The following CNTN5 variants were observed in gnomAD, a reference collection of about 807,000 sequenced individuals.
The protein encoded by CNTN5 is contactin 5, also known as contactin-5.
In CNTN5, 77 loss-of-function variants were observed where a neutral mutation model predicts 129.1. The observed-to-expected ratio is 0.60, with a 90% CI of 0.50 to 0.72. CNTN5 has a LOEUF of 0.72. Ranked by LOEUF, CNTN5 falls within the 30% of genes least tolerant of loss-of-function variation. CNTN5 has a pLI of 0.00. For missense variants in CNTN5, 1,478 were observed against 1,328.8 expected, an observed-to-expected ratio of 1.11 and a Z score of -1.75; for synonymous variants, 509 against 465.6, an observed-to-expected ratio of 1.09 and a Z score of -1.20.
chr11:99,119,128 A>G (rs979657609), intron 1 of CNTN5, among the ~76,000 whole-genome samples: 3 of 152,116 alleles, frequency 2.0e-5, no homozygotes, highest in African/African-American at 7.2e-5. Context: ...CTCCATTATC[A>G]ATCTCGCTTT....
chr11:100,314,877 C>A (rs918256927), intron 21 of CNTN5, among the ~76,000 whole-genome samples: 6 of 152,104 alleles, frequency 3.9e-5, no homozygotes, highest in African/African-American at 1.4e-4. Context: ...TTTCCCTGAC[C>A]TGGCTTTCTG....
chr11:100,258,868 T>C (rs1276801337), intron 17 of CNTN5, among the ~76,000 whole-genome samples: 2 of 152,158 alleles, frequency 1.3e-5, no homozygotes, highest in East Asian at 3.9e-4. Flanking sequence ...CCATCAACAC[T>C]ATGAAGAAGC....
intron 3 of CNTN5, among the ~76,000 whole-genome samples, chr11:99,655,307 C>T (rs1952312978): frequency 6.6e-6 from 1 of 151,368 alleles, no homozygotes; most frequent in African/African-American, 2.5e-5. Context: ...TGCTACAAGA[C>T]TCTCGGCAAG....
intron 3 of CNTN5, among the ~76,000 whole-genome samples, chr11:99,619,478 C>A (rs1950863185): frequency 6.6e-6 from 1 of 151,924 alleles, no homozygotes; most frequent in African/African-American, 2.4e-5. Flanking sequence ...TTCACATTTC[C>A]ATGGAGCTGT....
intron 2 of CNTN5, among the ~76,000 whole-genome samples, chr11:99,526,167 A>G (rs1198185706): frequency 1.3e-5 from 2 of 152,310 alleles, no homozygotes; most frequent in East Asian, 3.9e-4. Flanking sequence ...CTGACTTGCC[A>G]ATAACTTGAT....
At chr11:99,312,030 T>A (rs1865135660) in intron 1 of CNTN5, among the ~76,000 whole-genome samples, 1 of 152,176 alleles carries the variant, frequency 6.6e-6, no homozygotes, top group Non-Finnish European at 1.5e-5. Flanking sequence ...AGCCAGGAGA[T>A]AAATTTCAAG....
intron 3 of CNTN5, among the ~76,000 whole-genome samples, chr11:99,597,133 A>G (rs1950150662): frequency 6.6e-6 from 1 of 152,176 alleles, no homozygotes; most frequent in Non-Finnish European, 1.5e-5. Flanking sequence ...CTACTGTTGT[A>G]AGAGGATATA....
At chr11:100,218,745 G>A (rs1949196774) in intron 15 of CNTN5, among the ~76,000 whole-genome samples, 1 of 152,078 alleles carries the variant, frequency 6.6e-6, no homozygotes, top group South Asian at 2.1e-4. Context: ...TGGATCACTG[G>A]GGAACTGCTT....
intron 13 of CNTN5, among the ~76,000 whole-genome samples, chr11:100,188,414 G>T (rs1244764649): frequency 6.6e-6 from 1 of 152,082 alleles, no homozygotes; most frequent in Non-Finnish European, 1.5e-5. Flanking sequence ...TCCAGTCTGG[G>T]TGACAGAGTG....
At chr11:99,990,851 T>C (rs931033347) in intron 8 of CNTN5, among the ~76,000 whole-genome samples, 1 of 152,200 alleles carries the variant, frequency 6.6e-6, no homozygotes, top group African/African-American at 2.4e-5. Context: ...TAATCTAACG[T>C]ACTACTAGAT....
intron 23 of CNTN5, among the ~76,000 whole-genome samples, chr11:100,346,683 A>G (rs1259530586): frequency 6.6e-6 from 1 of 152,070 alleles, no homozygotes; most frequent in Non-Finnish European, 1.5e-5. Context: ...CCCCTCACCC[A>G]TATCTACTTT....
chr11:100,219,505 C>T (rs1949217360), intron 15 of CNTN5, among the ~76,000 whole-genome samples: 1 of 152,204 alleles, frequency 6.6e-6, no homozygotes, highest in African/African-American at 2.4e-5. Context: ...TTTTGCATTA[C>T]TCACTTGTGT....
In CNTN5 at chr11:99,715,201, A is replaced by T. The variant is rs561776288; in HGVS notation, c.56-104343A>T. ...CATTAGAGAAGAAGCTGAATAAAAG[A>T]GAGTGAAATAGAATAACTCTTGGAG... On this transcript the variant is annotated intron_variant, in intron 3 of 24. Coordinates refer to ENST00000524871, the MANE Select transcript of CNTN5 (RefSeq NM_014361.4). Among the ~76,000 whole-genome samples, 13 of 152,158 alleles carry T rather than the reference A, an allele frequency of 8.5e-5. 1 individual carries two copies. The highest frequency in any genetic ancestry group is 8.5e-4 in the Admixed American group (13 of 15,238).
At chr11:100,049,141 A>T (rs974889198) in intron 9 of CNTN5, among the ~76,000 whole-genome samples, 12 of 152,168 alleles carry the variant, frequency 7.9e-5, no homozygotes, top group African/African-American at 1.9e-4. Context: ...ATGTTTTTTT[A>T]AAATATATGT....
chr11:99,302,206 A>C (rs1864673935), intron 1 of CNTN5, among the ~76,000 whole-genome samples: 1 of 151,686 alleles, frequency 6.6e-6, no homozygotes, highest in Admixed American at 6.6e-5. Flanking sequence ...CAAAAGGAAA[A>C]AAAGAATAAA....
At chr11:99,266,492 CTT>C (rs1862900121) in intron 1 of CNTN5, among the ~76,000 whole-genome samples, 1 of 151,988 alleles carries the variant, frequency 6.6e-6, no homozygotes, top group East Asian at 1.9e-4. Context: ...TTTCTAGCTA[CTT>C]TGGAGGCTGA....
intron 2 of CNTN5, among the ~76,000 whole-genome samples, chr11:99,424,414 G>A (rs986093065): frequency 2.7e-4 from 41 of 152,312 alleles, no homozygotes; most frequent in African/African-American, 8.7e-4. Flanking sequence ...TCATGCTGCC[G>A]GCCTCAACCT....
intron 3 of CNTN5, among the ~76,000 whole-genome samples, chr11:99,632,830 C>T (rs936230020): frequency 6.6e-6 from 1 of 151,878 alleles, no homozygotes; most frequent in Non-Finnish European, 1.5e-5. Context: ...ATTCAGTTTC[C>T]ATATATTCAG....
At chr11:100,040,873 G>T (rs1387711163) in intron 9 of CNTN5, among the ~76,000 whole-genome samples, 1 of 152,134 alleles carries the variant, frequency 6.6e-6, no homozygotes, top group Non-Finnish European at 1.5e-5. Flanking sequence ...GGTGCCGTCT[G>T]TCACCCCTTT....
Sources: allele counts gnomAD v4.1 joint callset (sites outside exome capture counted in the v4.1 genomes callset), GRCh38; gene constraint gnomAD v4.1.1; transcripts MANE v1.5; gene names NCBI Gene and HGNC (gene_info 2026-07-23, HGNC 2026-07-21).